Variants in PTCH1 observed in about 807,000 individuals in gnomAD.
PTCH1 encodes the protein protein patched homolog 1.
PTCH1 carries 14 observed loss-of-function variants against 144.6 expected under a neutral mutation model. The observed-to-expected ratio is 0.10, with a 90% CI of 0.06 to 0.15. The LOEUF (loss-of-function observed/expected upper bound fraction) is 0.15, where lower values mean the gene tolerates loss of function less well. PTCH1 is among the 10% of genes least tolerant of loss of function. The pLI is 1.00. For synonymous variants in PTCH1, 833 were observed against 793.6 expected (o/e 1.05, Z -0.83); for missense variants, 1,623 against 1,948.3 (o/e 0.83, Z 3.14).
chr9:95,515,991 C>T (rs912072255), intron 1 of PTCH1, among the ~76,000 whole-genome samples: 2 of 152,008 alleles, frequency 1.3e-5, no homozygotes, highest in South Asian at 2.1e-4. Flanking sequence ...GCGCTCTGAG[C>T]CCCCTCCCCT....
intron 18 of PTCH1, among the ~76,000 whole-genome samples, chr9:95,456,989 C>A (rs936307321): frequency 6.6e-6 from 1 of 152,170 alleles, no homozygotes; most frequent in African/African-American, 2.4e-5. Flanking sequence ...AGGTCGTCAT[C>A]AGCTGACGCT....
In PTCH1 at chr9:95,447,107, C is replaced by T. The variant is rs56230654; in HGVS notation, c.4149G>A (p.Pro1383=). The T allele has an allele frequency of 7.4e-5, 119 of 1,613,436 alleles. 1 individual carries two copies. Among genetic ancestry groups the T allele is most frequent in the Non-Finnish European group, 8.1e-5 (96 of 1,179,986 alleles). Residue 1383 remains proline (P), a synonymous_variant, in exon 23 of 24, where the codon CCG becomes CCA. Transcript: ENST00000331920. ...ASASVTVAVH[P]PPVPGPGRNP... Reference sequence around the variant, plus strand: ...TCCGCCCAGGCCCAGGGACAGGCGGCGGGTGCACGGCGACAGTCACGGAGG... The same window carrying T: ...TCCGCCCAGGCCCAGGGACAGGCGGTGGGTGCACGGCGACAGTCACGGAGG...
At chr9:95,448,917 T>G in intron 22 of PTCH1, 152 bp downstream of exon 22, 1 of 1,111,016 alleles carries the variant, frequency 9.0e-7, no homozygotes, top group Non-Finnish European at 1.3e-6. Flanking sequence ...AAATACTGGT[T>G]ATTTCCTATG....
chr9:95,490,532 CA>C (rs1476053785), intron 2 of PTCH1, among the ~76,000 whole-genome samples: 4 of 143,102 alleles, frequency 2.8e-5, no homozygotes, highest in Admixed American at 7.4e-5. Context: ...CACACACACA[CA>C]CACACACACA....
intron 12 of PTCH1, among the ~76,000 whole-genome samples, chr9:95,473,319 G>A (rs898079612): frequency 6.6e-6 from 1 of 152,176 alleles, no homozygotes; most frequent in African/African-American, 2.4e-5. Flanking sequence ...GGACAGAACC[G>A]CCTTGGGTCA....
chr9:95,443,391 G>A lies in PTCH1; in HGVS notation c.*3002C>T, dbSNP rs1287405714. 6.6e-6 allele frequency: 1 copy of A among 152,534 alleles called. No homozygotes were observed. The highest frequency in any genetic ancestry group is 1.9e-4 in the East Asian group (1 of 5,196). The allele number at this position is 152,534 out of a possible 1,614,324, so 9.4% of individuals were successfully genotyped here. Reference sequence around the variant, plus strand: ...CTCCCAAGTATTTTAAAGAAAAAAAGCATTCTACAAACAAAGATATAACCA... The same window carrying A: ...CTCCCAAGTATTTTAAAGAAAAAAAACATTCTACAAACAAAGATATAACCA... On this transcript the variant is annotated 3_prime_UTR_variant, in exon 24 of 24. Transcript: ENST00000331920.
At chr9:95,497,354 AATC>A (rs1842861984) in intron 2 of PTCH1, among the ~76,000 whole-genome samples, 3 of 152,248 alleles carry the variant, frequency 2.0e-5, no homozygotes, top group Admixed American at 6.5e-5. Flanking sequence ...AGCTCCGAAC[AATC>A]ATCATTAGCA....
intron 16 of PTCH1, 25 bp downstream of exon 16, chr9:95,461,831 C>A (rs1472204914): frequency 6.2e-7 from 1 of 1,613,818 alleles, no homozygotes; most frequent in Non-Finnish European, 8.5e-7. Context: ...CTGGAAGCGC[C>A]CTCAGTGCCC....
At chr9:95,511,441 G>A (rs1844156279), upstream of PTCH1, among the ~76,000 whole-genome samples, 2 of 152,222 alleles carry the variant, frequency 1.3e-5, no homozygotes, top group African/African-American at 4.8e-5. Flanking sequence ...GGGTCAGGGC[G>A]GGATGTCCCG....
chr9:95,497,611 T>C (rs904892861), intron 2 of PTCH1, among the ~76,000 whole-genome samples: 1 of 152,004 alleles, frequency 6.6e-6, no homozygotes, highest in African/African-American at 2.4e-5. Flanking sequence ...CACCAGCAAA[T>C]GAATAACAGG....
chr9:95,479,840 G>A (rs933607449), intron 7 of PTCH1, 129 bp downstream of exon 7: 8 of 1,461,818 alleles, frequency 5.5e-6, no homozygotes, highest in Admixed American at 5.1e-5. Context: ...ATTCTATGAC[G>A]CCACCTGGCT....
chr9:95,467,906 C>T (rs1564031771), intron 14 of PTCH1, among the ~76,000 whole-genome samples: 1 of 151,890 alleles, frequency 6.6e-6, no homozygotes, highest in Non-Finnish European at 1.5e-5. Context: ...CATGCCCAGC[C>T]TTGTTTTGTT....
chr9:95,462,167 T>C lies in PTCH1; in HGVS notation c.2561-169A>G, dbSNP rs1839545125. Among the ~76,000 whole-genome samples the C allele has an allele frequency of 2.0e-5, 3 of 152,146 alleles. No individual in the cohort carries two copies. In the South Asian group the frequency reaches 6.2e-4, roughly 31 times the overall value. On this transcript the variant is annotated intron_variant, in intron 15 of 23. Transcript: ENST00000331920. The stretch of plus-strand genomic sequence containing the variant: ...TTGACTGAAAGCACTGGATCTTTCA[T>C]GAATGAACTGCAGCTGCTGCCAGCC...
In PTCH1 at chr9:95,446,879, G is replaced by A. The variant is rs758919234; in HGVS notation, c.*1+32C>T. 6.8e-6 allele frequency: 11 copies of A among 1,612,952 alleles called. No homozygotes were observed. The South Asian group carries it at 1.1e-4, about 16-fold the overall frequency. ...TGTCCTCCTCTTTGCCTGGCTCTAG[G>A]TCCCTTGGCTGCCCTTGTCAGTGGC... On this transcript the variant is annotated intron_variant, in intron 23 of 23. Transcript: ENST00000331920.
chr9:95,484,619 C>T (rs1841833556), intron 3 of PTCH1, among the ~76,000 whole-genome samples: 2 of 152,152 alleles, frequency 1.3e-5, no homozygotes, highest in Admixed American at 6.5e-5. Context: ...ACAAAGGCCT[C>T]AGTGAAGAGG....
intron 2 of PTCH1, among the ~76,000 whole-genome samples, chr9:95,486,644 C>A (rs1266052465): frequency 1.3e-5 from 2 of 152,254 alleles, no homozygotes; most frequent in Non-Finnish European, 2.9e-5. Flanking sequence ...AGCTTTCCAG[C>A]AAGCTGGCCA....
rs2118428399 is a variant in PTCH1 at position 95,480,579 on chromosome 9, A to T, written c.756T>A (p.Pro252=). 2 of 1,613,590 alleles carry T rather than the reference A, an allele frequency of 1.2e-6. No individual in the cohort carries two copies. Among genetic ancestry groups the T allele is most frequent in the South Asian group, 2.2e-5 (2 of 91,014 alleles). ...QSGTAYLLGK[P]PLRWTNFDPL... is the part of the protein sequence containing the mutation. ...GGTCGAAGTTTGTCCACCGCAAAGG[A>T]GGTTTACCTCTGCAAAAGAAATTAG... Residue 252 remains proline (P), a synonymous_variant, in exon 6 of 24, where the codon CCT becomes CCA. Transcript: ENST00000331920.
intron 3 of PTCH1, 139 bp downstream of exon 3, chr9:95,485,546 A>G (rs939218461): frequency 6.4e-5 from 66 of 1,025,672 alleles, no homozygotes; most frequent in Non-Finnish European, 8.9e-5. Flanking sequence ...AAATCCTTTC[A>G]TTGCAAAGCT....
chr9:95,501,958 G>A (rs1488461227), intron 2 of PTCH1, among the ~76,000 whole-genome samples: 1 of 152,172 alleles, frequency 6.6e-6, no homozygotes, highest in Admixed American at 6.5e-5. Flanking sequence ...GCCAACACGT[G>A]AGCACACTCG....
Sources: allele counts gnomAD v4.1 joint callset (sites outside exome capture counted in the v4.1 genomes callset), GRCh38; gene constraint gnomAD v4.1.1; transcripts MANE v1.5; gene names NCBI Gene and HGNC (gene_info 2026-07-23, HGNC 2026-07-21).